GOLGA3: variants seen among roughly 807,000 people sequenced by gnomAD.
GOLGA3 encodes golgin A3.
Under a neutral mutation model 169.4 loss-of-function variants are expected in GOLGA3, and 75 were observed. The ratio of observed to expected loss-of-function variants is 0.44; its 90% CI spans 0.37 to 0.54. The LOEUF (loss-of-function observed/expected upper bound fraction) is 0.54, where lower values mean the gene tolerates loss of function less well. GOLGA3 is among the 20% of genes least tolerant of loss of function. GOLGA3 has a pLI of 0.00. For synonymous variants in GOLGA3, 824 were observed against 822.4 expected, an observed-to-expected ratio of 1.00 and a Z score of -0.03; for missense variants, 1,899 against 1,930.0, an observed-to-expected ratio of 0.98 and a Z score of 0.30.
chr12:132,815,142 T>C (rs957670959), intron 3 of GOLGA3, among the ~76,000 whole-genome samples: 1 of 152,374 alleles, frequency 6.6e-6, no homozygotes, highest in Admixed American at 6.5e-5. Context: ...TTATACATTT[T>C]ATCACTGAAA....
Position 132,773,086 on chromosome 12 carries a change from G to C in GOLGA3, c.*19C>G. The C allele has an allele frequency of 3.3e-6, 5 of 1,511,470 alleles. No individual in the cohort carries two copies. The highest frequency in any genetic ancestry group is 4.5e-6 in the Non-Finnish European group (5 of 1,118,152). The allele number at this position is 1,511,470 out of a possible 1,614,324, so 93.6% of individuals were successfully genotyped here. On this transcript the variant is annotated 3_prime_UTR_variant, in exon 24 of 24. Coordinates refer to ENST00000450791, the MANE Select transcript of GOLGA3 (RefSeq NM_001389683.1). ...AGAGCCTTCTGGGGCAGCGGCGCAC[G>C]GAGGCGAGTCCACAGCAGTCACTCT...
At position 132,802,256 on chromosome 12, in the gene GOLGA3, G is replaced by T. The variant is rs73157055; in HGVS notation, c.1598-287C>A. Among the ~76,000 whole-genome samples the T allele has an allele frequency of 8.1e-3, 1,238 of 152,292 alleles. 13 individuals are homozygous for T. Among genetic ancestry groups the T allele is most frequent in the African/African-American group, 0.028 (1,167 of 41,558 alleles). Reference sequence around the variant, plus strand: ...ACCTCTGTTCAGTGTTTCCATTTACGACACCGATCTAATACATAGCGTCGA... The same window carrying T: ...ACCTCTGTTCAGTGTTTCCATTTACTACACCGATCTAATACATAGCGTCGA... On this transcript the variant is annotated intron_variant, in intron 7 of 23. Transcript: ENST00000450791.
chr12:132,786,544 T>C lies in GOLGA3; in HGVS notation c.2918A>G (p.Glu973Gly). 2 of 1,613,326 alleles carry C rather than the reference T, an allele frequency of 1.2e-6. No individual in the cohort carries two copies. Among genetic ancestry groups the C allele is most frequent in the Non-Finnish European group, 1.7e-6 (2 of 1,179,798 alleles). Residue 973 changes from glutamate to glycine, a missense_variant, in exon 15 of 24, where the codon GAA becomes GGA. By Grantham distance (98) the Glu-to-Gly change is moderately conservative (BLOSUM62 -2). Coordinates refer to ENST00000450791, the MANE Select transcript of GOLGA3 (RefSeq NM_001389683.1). ...LQQEARKAIT[E>G]QKQKMRRLGS... ...CAGCCGCCTCATCTTCTGCTTCTGT[T>C]CCGTGATGGCCCTGGGGTGTCATGA...
intron 2 of GOLGA3, among the ~76,000 whole-genome samples, chr12:132,819,616 G>C (rs777247618): frequency 1.1e-4 from 17 of 152,236 alleles, no homozygotes; most frequent in Non-Finnish European, 2.2e-4. Flanking sequence ...AGAAAAACCA[G>C]AATAAAAGCA....
At chr12:132,801,707 C>G in intron 8 of GOLGA3, 60 bp downstream of exon 8, 1 of 1,468,936 alleles carries the variant, frequency 6.8e-7, no homozygotes, top group Non-Finnish European at 9.4e-7. Flanking sequence ...CAGGAAAAAG[C>G]ACCGTTCTAC....
chr12:132,810,290 T>C (rs1949636332), intron 4 of GOLGA3, among the ~76,000 whole-genome samples: 1 of 152,108 alleles, frequency 6.6e-6, no homozygotes, highest in Admixed American at 6.5e-5. Flanking sequence ...AACATTCTGT[T>C]GAACTATAAC....
At chr12:132,784,445 C>T (rs2045783434) in intron 15 of GOLGA3, 138 bp from the exon 16 acceptor site, 1 of 722,160 alleles carries the variant, frequency 1.4e-6, no homozygotes, top group Non-Finnish European at 2.3e-6. Flanking sequence ...CACAACCTTC[C>T]TTTTTGTTAA....
At chr12:132,822,779 G>A (rs2086688) in intron 1 of GOLGA3, among the ~76,000 whole-genome samples, 41,088 of 152,046 alleles carry the variant, frequency 0.27, 5,899 homozygotes, top group Middle Eastern at 0.44. Context: ...AAAAATAGCC[G>A]GGTGTGGTGG....
Position 132,808,098 on chromosome 12 carries a change from G to A in GOLGA3, c.971C>T (p.Ser324Phe). 1 of 1,598,156 alleles carries A rather than the reference G, an allele frequency of 6.3e-7. No individual in the cohort carries two copies. Among genetic ancestry groups the A allele is most frequent in the East Asian group, 2.2e-5 (1 of 44,700 alleles). Residue 324 changes from serine (S) to phenylalanine (F), a missense_variant, in exon 5 of 24, where the codon TCC (serine) becomes TTC (phenylalanine). Ser to Phe is a radical substitution (Grantham distance 155). Coordinates refer to ENST00000450791, the MANE Select transcript of GOLGA3 (RefSeq NM_001389683.1). ...DSDSSSYSSA[S>F]TRGTYGILSK... ...CAGAATGCCATAGGTCCCTCGGGTG[G>A]AGGCGCTGCTGTACGATGAGCTGTC...
chr12:132,775,420 G>T (rs1022246202), intron 21 of GOLGA3, 115 bp from the exon 22 acceptor site: 2 of 865,778 alleles, frequency 2.3e-6, no homozygotes, highest in Non-Finnish European at 3.5e-6. Flanking sequence ...GCGCCATCTA[G>T]ATGATGCCAG....
chr12:132,786,709 G>C lies in GOLGA3; in HGVS notation c.2890C>G (p.Gln964Glu). Residue 964 changes from glutamine to glutamate, a missense_variant, in exon 14 of 24, where the codon CAG becomes GAG. Transcript: ENST00000450791. ...EALKKQIEEL[Q>E]QEARKAITEQ... ...CAGACTTACTTCCGGGCCTCTTGCT[G>C]CAACTCTTCGATTTGTTTCTTCAGC... 6.2e-7 allele frequency: 1 copy of C among 1,606,988 alleles called. No individual in the cohort carries two copies. The highest frequency in any genetic ancestry group is 8.5e-7 in the Non-Finnish European group (1 of 1,178,892).
chr12:132,774,416 T>G, intron 22 of GOLGA3, 96 bp from the exon 23 acceptor site: 1 of 1,386,420 alleles, frequency 7.2e-7, no homozygotes, highest in East Asian at 2.3e-5. Flanking sequence ...CCCCAACTGG[T>G]GGACGTGGGG....
intron 15 of GOLGA3, among the ~76,000 whole-genome samples, chr12:132,784,972 G>A (rs1164379592): frequency 6.6e-6 from 1 of 152,178 alleles, no homozygotes; most frequent in African/African-American, 2.4e-5. Flanking sequence ...TTGCTGCCTC[G>A]ATGGTACCAG....
Position 132,782,315 on chromosome 12 carries a change from AG to A in GOLGA3, c.3445del (p.Leu1149Ter), listed in dbSNP as rs1184404120. 2 of 1,614,054 alleles carry A rather than the reference AG, an allele frequency of 1.2e-6. No homozygotes were observed. The highest frequency in any genetic ancestry group is 1.1e-5 in the South Asian group (1 of 91,086). On this transcript the variant is annotated frameshift_variant, in exon 17 of 24. Transcript: ENST00000450791. LOFTEE classifies it high-confidence loss of function. ...GAATACCTGAAGGTTCAACTGGACTAGGTCTGCCTCCCTCTTGGCCAAAGCT... is the reference window on the plus strand; with the variant it reads ...GAATACCTGAAGGTTCAACTGGACTAGTCTGCCTCCCTCTTGGCCAAAGCT... Reference protein sequence around the residue: ...ETALAKREADLVQLNLQVQAV... With the variant: ...ETALAKREADXVQLNLQVQAV...
chr12:132,789,052 C>T lies in GOLGA3; in HGVS notation c.2786G>A (p.Arg929Gln), dbSNP rs376953681. ...EGHLQSAQKERDEMETHLQSL... is the reference protein window; with the variant it reads ...EGHLQSAQKEQDEMETHLQSL... ...CTGCAAGTGTGTTTCCATCTCGTCT[C>T]GCTCCTTCTGCGCCGACTGGAGATG... Residue 929 changes from arginine (R) to glutamine (Q), a missense_variant, in exon 13 of 24, where the codon CGA becomes CAA. Transcript: ENST00000450791. The T allele has an allele frequency of 3.5e-5, 55 of 1,587,250 alleles. No individual in the cohort carries two copies. Among genetic ancestry groups the T allele is most frequent in the Non-Finnish European group, 4.5e-5 (52 of 1,164,604 alleles).
rs1180887762 is a variant in GOLGA3 at position 132,787,794 on chromosome 12, A to ACGGGACCCCTCCCCGGAGACCC, written c.2812-1029_2812-1008dup. 4.8e-4 allele frequency among the ~76,000 whole-genome samples: 4 copies of ACGGGACCCCTCCCCGGAGACCC among 8,370 alleles called. 2 individuals are homozygous for ACGGGACCCCTCCCCGGAGACCC. Among genetic ancestry groups the ACGGGACCCCTCCCCGGAGACCC allele is most frequent in the Admixed American group, 2.0e-3 (2 of 1,002 alleles). 5.5% of individuals were successfully genotyped at this position (8,370 alleles called of 152,430 possible). A position where few individuals can be genotyped will look rare whatever the true frequency, so the allele number is the denominator to read the frequency against. On this transcript the variant is annotated intron_variant, in intron 13 of 23. Coordinates refer to ENST00000450791, the MANE Select transcript of GOLGA3 (RefSeq NM_001389683.1). Reference sequence around the variant, plus strand: ...ACCACGGGACCCCTCCCCGGAGACCACGGGACCCCTCCCCGGAGACCCCGG... The same window carrying ACGGGACCCCTCCCCGGAGACCC: ...ACCACGGGACCCCTCCCCGGAGACCACGGGACCCCTCCCCGGAGACCCCGGGACCCCTCCCCGGAGACCCCGG...
chr12:132,798,236 T>C, intron 9 of GOLGA3, 104 bp downstream of exon 9: 2 of 1,072,376 alleles, frequency 1.9e-6, no homozygotes, highest in Non-Finnish European at 2.6e-6. Context: ...CATGAGAATA[T>C]TTAAGAGATA....
chr12:132,772,233 AGC>A lies in GOLGA3; in HGVS notation c.*870_*871del, dbSNP rs1335177151. On this transcript the variant is annotated 3_prime_UTR_variant, in exon 24 of 24. Transcript: ENST00000450791. ...AAGTAGGTTCTTCTTCAATAACATG[AGC>A]ATATGCTTCTTAAAGACTGGGTGAC... 1.3e-5 allele frequency: 2 copies of A among 152,222 alleles called. No individual in the cohort carries two copies. The highest frequency in any genetic ancestry group is 1.5e-5 in the Non-Finnish European group (1 of 68,040). The allele number at this position is 152,222 out of a possible 1,614,324, so 9.4% of individuals were successfully genotyped here.
rs867333183 is a variant in GOLGA3 at position 132,781,501 on chromosome 12, G to A, written c.3466-587C>T. 1.2e-4 allele frequency among the ~76,000 whole-genome samples: 18 copies of A among 152,258 alleles called. No individual in the cohort carries two copies. In the South Asian group the frequency reaches 2.1e-3, roughly 18 times the overall value. On this transcript the variant is annotated intron_variant, in intron 17 of 23. Coordinates refer to ENST00000450791, the MANE Select transcript of GOLGA3 (RefSeq NM_001389683.1). Reference sequence around the variant, plus strand: ...TTGAACCCGGGAGGCAGGGAGCCGCGATCGTGCCACTGCACTCCAGCCTGA... The same window carrying A: ...TTGAACCCGGGAGGCAGGGAGCCGCAATCGTGCCACTGCACTCCAGCCTGA...
Sources: gnomAD v4.1 joint callset for allele counts (sites outside exome capture counted in the v4.1 genomes callset) on GRCh38, gnomAD v4.1.1 for gene constraint, MANE v1.5 for transcripts, NCBI Gene and HGNC (gene_info 2026-07-23, HGNC 2026-07-21) for gene names.